The following KCNIP4 variants were observed in gnomAD, a reference collection of about 807,000 sequenced individuals.
KCNIP4 encodes potassium voltage-gated channel interacting protein 4.
A neutral mutation model predicts 34.0 loss-of-function variants in KCNIP4; 12 were observed. That is an observed-to-expected ratio of 0.35 (90% CI 0.23 to 0.57). The LOEUF is 0.57. KCNIP4 is among the 20% of genes least tolerant of loss of function. KCNIP4 has a pLI of 0.83. For missense variants in KCNIP4, 238 were observed against 311.7 expected (o/e 0.76, Z 1.78); for synonymous variants, 124 against 102.2 (o/e 1.21, Z -1.29).
At chr4:21,636,733 A>C (rs931477235) in intron 1 of KCNIP4, among the ~76,000 whole-genome samples, 3 of 152,234 alleles carry the variant, frequency 2.0e-5, no homozygotes, top group South Asian at 2.1e-4. Context: ...AGCAAAGAGA[A>C]AACAACTGAT....
chr4:21,629,271 C>A (rs990955875), intron 1 of KCNIP4, among the ~76,000 whole-genome samples: 1 of 152,160 alleles, frequency 6.6e-6, no homozygotes, highest in Non-Finnish European at 1.5e-5. Flanking sequence ...AGTTTAAGCA[C>A]CCCAAAAGAA....
At chr4:21,100,723 A>G (rs1747858404) in intron 1 of KCNIP4, among the ~76,000 whole-genome samples, 1 of 152,168 alleles carries the variant, frequency 6.6e-6, no homozygotes, top group Non-Finnish European at 1.5e-5. Context: ...CAAGTATTTT[A>G]AAAATTAAGG....
chr4:20,768,409 C>T (rs62411669), intron 3 of KCNIP4, among the ~76,000 whole-genome samples: 7 of 152,130 alleles, frequency 4.6e-5, no homozygotes, highest in Non-Finnish European at 1.0e-4. Context: ...TCAAGAAAAA[C>T]ACTTCTTATT....
At chr4:21,554,205 A>G (rs1473679068) in intron 1 of KCNIP4, among the ~76,000 whole-genome samples, 1 of 152,100 alleles carries the variant, frequency 6.6e-6, no homozygotes, top group African/African-American at 2.4e-5. Flanking sequence ...TATGGGGGAC[A>G]TGTGTTAGAG....
intron 1 of KCNIP4, chr4:21,846,637 TAC>T (rs1724033494): frequency 1.3e-5 from 2 of 152,170 alleles, no homozygotes; most frequent in Admixed American, 1.3e-4. Context: ...TTGACTGATT[TAC>T]AGTGACCAGA....
rs577790624 is a variant in KCNIP4, at chr4:21,321,205, G to C, written c.62-438496C>G. Among the ~76,000 whole-genome samples, 21 of 152,302 alleles carry C rather than the reference G, an allele frequency of 1.4e-4. 1 individual carries two copies. The highest frequency in any genetic ancestry group is 1.4e-3 in the Admixed American group (21 of 15,294). On this transcript the variant is annotated intron_variant, in intron 1 of 8. Coordinates refer to ENST00000382152, the MANE Select transcript of KCNIP4 (RefSeq NM_025221.6). ...TATGAAATGTTTGTTCAGAATGAAA[G>C]AATGGCAAAATGCAGCCAGCAAGGT... is the stretch of plus-strand genomic sequence containing the variant.
intron 1 of KCNIP4, among the ~76,000 whole-genome samples, chr4:20,884,579 T>C (rs1259561437): frequency 4.6e-5 from 7 of 152,080 alleles, no homozygotes; most frequent in Non-Finnish European, 7.4e-5. Flanking sequence ...GGTCTTACTT[T>C]AGCTCCCTAC....
intron 1 of KCNIP4, among the ~76,000 whole-genome samples, chr4:21,591,097 A>C (rs1266462230): frequency 6.6e-6 from 1 of 152,022 alleles, no homozygotes; most frequent in African/African-American, 2.4e-5. Flanking sequence ...TTAACAAAGA[A>C]AAAGGAAGGA....
Position 21,103,153 on chromosome 4 carries a change from A to G in KCNIP4, c.62-220444T>C, listed in dbSNP as rs187160980. On this transcript the variant is annotated intron_variant, in intron 1 of 8. Coordinates refer to ENST00000382152, the MANE Select transcript of KCNIP4 (RefSeq NM_025221.6). Reference sequence around the variant, plus strand: ...CTGATTTGGAGTTAAAAGAACTTTTATTTAAATAACAGCTTTTCCATTTAC... The same window carrying G: ...CTGATTTGGAGTTAAAAGAACTTTTGTTTAAATAACAGCTTTTCCATTTAC... Among the ~76,000 whole-genome samples the G allele has an allele frequency of 2.2e-3, 341 of 151,826 alleles. 1 individual carries two copies. Among genetic ancestry groups the G allele is most frequent in the African/African-American group, 8.0e-3 (332 of 41,488 alleles).
intron 1 of KCNIP4, among the ~76,000 whole-genome samples, chr4:20,914,472 T>C (rs571054991): frequency 6.6e-6 from 1 of 152,320 alleles, no homozygotes; most frequent in African/African-American, 2.4e-5. Flanking sequence ...ACACCAAATC[T>C]ACCAGTTCCT....
At chr4:21,293,826 A>AG (rs1763682563) in intron 1 of KCNIP4, among the ~76,000 whole-genome samples, 1 of 152,204 alleles carries the variant, frequency 6.6e-6, no homozygotes. Flanking sequence ...AGGAATGGGA[A>AG]GGGGTCCATG....
intron 1 of KCNIP4, among the ~76,000 whole-genome samples, chr4:21,482,502 G>C (rs569842440): frequency 2.0e-5 from 3 of 152,124 alleles, no homozygotes; most frequent in Non-Finnish European, 2.9e-5. Flanking sequence ...TGTAGGGCAG[G>C]CCTGGTGGTG....
chr4:21,418,333 A>T (rs1355682234), intron 1 of KCNIP4, among the ~76,000 whole-genome samples: 1 of 152,104 alleles, frequency 6.6e-6, no homozygotes, highest in Non-Finnish European at 1.5e-5. Flanking sequence ...TGTACCATTA[A>T]AAAAGGAACC....
intron 1 of KCNIP4, among the ~76,000 whole-genome samples, chr4:21,522,260 T>C (rs1183482252): frequency 2.0e-5 from 3 of 152,204 alleles, no homozygotes; most frequent in Non-Finnish European, 4.4e-5. Flanking sequence ...GGCACCACAT[T>C]TTTTAACCTC....
At chr4:21,653,673 G>A (rs1383372739) in intron 1 of KCNIP4, among the ~76,000 whole-genome samples, 3 of 152,186 alleles carry the variant, frequency 2.0e-5, no homozygotes, top group African/African-American at 7.2e-5. Flanking sequence ...TTTACTAGGT[G>A]TCAGGGGCTG....
At chr4:21,084,022 G>T (rs932287159) in intron 1 of KCNIP4, among the ~76,000 whole-genome samples, 4 of 151,804 alleles carry the variant, frequency 2.6e-5, no homozygotes, top group African/African-American at 9.7e-5. Context: ...CCTTCTGATT[G>T]CTGAGATATA....
chr4:20,962,581 C>A (rs1326318177), intron 1 of KCNIP4, among the ~76,000 whole-genome samples: 1 of 152,130 alleles, frequency 6.6e-6, no homozygotes, highest in Non-Finnish European at 1.5e-5. Context: ...TAACATTGGG[C>A]ATGGATGGAA....
At chr4:20,896,660 T>G (rs1487566832) in intron 1 of KCNIP4, among the ~76,000 whole-genome samples, 1 of 152,174 alleles carries the variant, frequency 6.6e-6, no homozygotes, top group East Asian at 1.9e-4. Flanking sequence ...GCCTACCCTG[T>G]GGAGACCTTA....
intron 1 of KCNIP4, among the ~76,000 whole-genome samples, chr4:20,936,192 G>A (rs1175450518): frequency 6.6e-6 from 1 of 152,030 alleles, no homozygotes; most frequent in Non-Finnish European, 1.5e-5. Context: ...TTTCATAGAA[G>A]ACAAAGTGGT....
Sources: allele counts gnomAD v4.1 joint callset (sites outside exome capture counted in the v4.1 genomes callset), GRCh38; gene constraint gnomAD v4.1.1; transcripts MANE v1.5; gene names NCBI Gene and HGNC (gene_info 2026-07-23, HGNC 2026-07-21).